The following MARS2 variants were observed in gnomAD, a reference collection of about 807,000 sequenced individuals.
MARS2 encodes the protein methionyl-tRNA synthetase 2, mitochondrial, also known as methionine--tRNA ligase, mitochondrial.
A neutral mutation model predicts 43.8 loss-of-function variants in MARS2; 33 were observed. That is an observed-to-expected ratio of 0.75 (90% CI 0.57 to 1.01). MARS2 has a LOEUF of 1.01. Among genes scored for constraint, MARS2 ranks in the 50% least tolerant of loss-of-function variants. The probability of loss-of-function intolerance (pLI) is 0.00; values close to 1 mark genes in which losing one functional copy is unlikely to be tolerated. For missense variants in MARS2, 720 were observed against 763.0 expected (o/e 0.94, Z 0.66); for synonymous variants, 351 against 325.5 (o/e 1.08, Z -0.84).
At position 197,705,439 on chromosome 2, in the gene MARS2, C is replaced by A. The variant is rs1351963595; in HGVS notation, c.34C>A (p.Arg12Ser). 6.2e-7 allele frequency: 1 copy of A among 1,612,090 alleles called. No individual in the cohort carries two copies. Among genetic ancestry groups the A allele is most frequent in the Non-Finnish European group, 8.5e-7 (1 of 1,179,702 alleles). ...AACGTCCGTCCTCCGCCTGCTAGGA[C>A]GCACGGGGGCTAGTAGGCTGTCTCT... is the stretch of plus-strand genomic sequence containing the variant. Reference protein sequence around the residue: ...LRTSVLRLLGRTGASRLSLLE... With the variant: ...LRTSVLRLLGSTGASRLSLLE... Residue 12 changes from arginine to serine, a missense_variant, in exon 1 of 1, where the codon CGC (arginine) becomes AGC (serine). Coordinates refer to ENST00000282276, the MANE Select transcript of MARS2 (RefSeq NM_138395.4).
rs113763008 is a variant in MARS2 at position 197,705,924 on chromosome 2, C to A, written c.519C>A (p.Asp173Glu). 6.2e-6 allele frequency: 10 copies of A among 1,614,204 alleles called. No homozygotes were observed. The highest frequency in any genetic ancestry group is 7.6e-6 in the Non-Finnish European group (9 of 1,180,048). The change falls in exon 1 of 1, where the codon GAC (aspartate) becomes GAA (glutamate). Residue 173 changes from aspartate (D) to glutamate (E), a missense_variant. By Grantham distance (45) the Asp-to-Glu change is conservative. Coordinates refer to ENST00000282276, the MANE Select transcript of MARS2 (RefSeq NM_138395.4). ...GVYEGWYCAS[D>E]ECFLPEAKVT... ...ATGAAGGTTGGTATTGCGCTTCCGACGAGTGCTTCCTGCCTGAGGCCAAGG... is the reference window on the plus strand; with the variant it reads ...ATGAAGGTTGGTATTGCGCTTCCGAAGAGTGCTTCCTGCCTGAGGCCAAGG...
Position 197,706,373 on chromosome 2 carries a change from T to A in MARS2, c.968T>A (p.Phe323Tyr). Reference sequence around the variant, plus strand: ...TTCCATGCCATCTATTGGCCTGCCTTCCTGTTAGGGGCCGGCATGAGCCCG... The same window carrying A: ...TTCCATGCCATCTATTGGCCTGCCTACCTGTTAGGGGCCGGCATGAGCCCG... Reference protein sequence around the residue: ...LKFHAIYWPAFLLGAGMSPPQ... With the variant: ...LKFHAIYWPAYLLGAGMSPPQ... Residue 323 changes from phenylalanine to tyrosine, a missense_variant, in exon 1 of 1, where the codon TTC becomes TAC. Coordinates refer to ENST00000282276, the MANE Select transcript of MARS2 (RefSeq NM_138395.4). The A allele has an allele frequency of 6.2e-6, 10 of 1,614,218 alleles. No homozygotes were observed. Among genetic ancestry groups the A allele is most frequent in the Non-Finnish European group, 8.5e-6 (10 of 1,180,038 alleles).
chr2:197,705,671 C>G lies in MARS2; in HGVS notation c.266C>G (p.Ser89Cys). ...CCCAGCACGGCCGCCACGCGATTCTCCACTGGTACCGACGAGCACGGGCTG... is the reference window on the plus strand; with the variant it reads ...CCCAGCACGGCCGCCACGCGATTCTGCACTGGTACCGACGAGCACGGGCTG... ...RGPSTAATRF[S>C]TGTDEHGLKI... Residue 89 changes from serine to cysteine, a missense_variant, in exon 1 of 1, where the codon TCC becomes TGC. Coordinates refer to ENST00000282276, the MANE Select transcript of MARS2 (RefSeq NM_138395.4). The G allele has an allele frequency of 6.2e-7, 1 of 1,611,102 alleles. No homozygotes were observed.
At position 197,707,035 on chromosome 2, in the gene MARS2, T is replaced by C. The variant is rs1404371525; in HGVS notation, c.1630T>C (p.Ser544Pro). Residue 544 changes from serine to proline, a missense_variant, in exon 1 of 1, where the codon TCA becomes CCA. Physicochemically the swap from Ser to Pro is moderately conservative, Grantham distance 74. Coordinates refer to ENST00000282276, the MANE Select transcript of MARS2 (RefSeq NM_138395.4). The part of the protein sequence containing the change: ...KLLSRLGVSA[S>P]ERSLGELYFL... ...GCTGTCTAGGCTGGGGGTCTCTGCC[T>C]CAGAGAGGAGTCTTGGAGAGCTCTA... 6.2e-7 allele frequency: 1 copy of C among 1,614,174 alleles called. No homozygotes were observed. The highest frequency in any genetic ancestry group is 1.3e-5 in the African/African-American group (1 of 75,030).
Position 197,706,190 on chromosome 2 carries a change from T to G in MARS2, c.785T>G (p.Leu262Trp), listed in dbSNP as rs1376531119. 1 of 1,614,256 alleles carries G rather than the reference T, an allele frequency of 6.2e-7. No individual in the cohort carries two copies. Among genetic ancestry groups the G allele is most frequent in the East Asian group, 2.2e-5 (1 of 44,890 alleles). ...TCCGTGTCTCGCAGAAGTAGCCACTTGCACTGGGGCATTCCGGTGCCCGGG... is the reference window on the plus strand; with the variant it reads ...TCCGTGTCTCGCAGAAGTAGCCACTGGCACTGGGGCATTCCGGTGCCCGGG... ...DLSVSRRSSH[L>W]HWGIPVPGDD... is the part of the protein sequence containing the mutation. The change falls in exon 1 of 1, where the codon TTG (leucine) becomes TGG (tryptophan). Residue 262 changes from leucine to tryptophan, a missense_variant. Coordinates refer to ENST00000282276, the MANE Select transcript of MARS2 (RefSeq NM_138395.4).
chr2:197,707,026 G>T lies in MARS2; in HGVS notation c.1621G>T (p.Val541Phe). Residue 541 changes from valine to phenylalanine, a missense_variant, in exon 1 of 1, where the codon GTC (valine) becomes TTC (phenylalanine). By Grantham distance (50) the Val-to-Phe change is conservative. Coordinates refer to ENST00000282276, the MANE Select transcript of MARS2 (RefSeq NM_138395.4). ...TGACAAGCTGCTGTCTAGGCTGGGG[G>T]TCTCTGCCTCAGAGAGGAGTCTTGG... Reference protein sequence around the residue: ...LADKLLSRLGVSASERSLGEL... With the variant: ...LADKLLSRLGFSASERSLGEL... 1 of 1,614,148 alleles carries T rather than the reference G, an allele frequency of 6.2e-7. No individual in the cohort carries two copies. The highest frequency in any genetic ancestry group is 8.5e-7 in the Non-Finnish European group (1 of 1,180,026).
At position 197,706,688 on chromosome 2, in the gene MARS2, G is replaced by T. The variant is rs1346382336; in HGVS notation, c.1283G>T (p.Cys428Phe). 4 of 1,614,046 alleles carry T rather than the reference G, an allele frequency of 2.5e-6. No individual in the cohort carries two copies. Among genetic ancestry groups the T allele is most frequent in the Non-Finnish European group, 1.7e-6 (2 of 1,180,042 alleles). The change falls in exon 1 of 1, where the codon TGC becomes TTC. Residue 428 changes from cysteine (C) to phenylalanine (F), a missense_variant. By Grantham distance (205) the Cys-to-Phe change is radical. Transcript: ENST00000282276. ...ACCTACCCAGCCTTCTGCACTACCTGCTTCCCTAGTGAGCCAGGGTTGGTG... is the reference window on the plus strand; with the variant it reads ...ACCTACCCAGCCTTCTGCACTACCTTCTTCCCTAGTGAGCCAGGGTTGGTG... The part of the protein sequence containing the change: ...SETYPAFCTT[C>F]FPSEPGLVGP...
chr2:197,706,371 C>T lies in MARS2; in HGVS notation c.966C>T (p.Ala322=), dbSNP rs772540063. The part of the protein sequence containing the change: ...ILKFHAIYWP[A]FLLGAGMSPP... ...AATTCCATGCCATCTATTGGCCTGC[C>T]TTCCTGTTAGGGGCCGGCATGAGCC... Residue 322 remains alanine, a synonymous_variant, in exon 1 of 1, where the codon GCC becomes GCT. Coordinates refer to ENST00000282276, the MANE Select transcript of MARS2 (RefSeq NM_138395.4). 1.9e-6 allele frequency: 3 copies of T among 1,614,246 alleles called. No individual in the cohort carries two copies. The highest frequency in any genetic ancestry group is 3.3e-5 in the Admixed American group (2 of 60,034).
At position 197,705,609 on chromosome 2, in the gene MARS2, G is replaced by A. The variant is rs774268219; in HGVS notation, c.204G>A (p.Leu68=). Residue 68 remains leucine, a synonymous_variant, in exon 1 of 1, where the codon CTG becomes CTA. Transcript: ENST00000282276. Reference sequence around the variant, plus strand: ...TCGGGCACCTGTACTCGGCACTACTGGCGGACGCCCTATGCCGCCACCGTC... The same window carrying A: ...TCGGGCACCTGTACTCGGCACTACTAGCGGACGCCCTATGCCGCCACCGTC... The part of the protein sequence containing the change: ...PHIGHLYSAL[L]ADALCRHRRL... 2.5e-6 allele frequency: 4 copies of A among 1,612,424 alleles called. No homozygotes were observed. Among genetic ancestry groups the A allele is most frequent in the Non-Finnish European group, 3.4e-6 (4 of 1,179,864 alleles).
In MARS2 at chr2:197,706,251, C is replaced by T; in HGVS notation, c.846C>T (p.Ala282=). 6.2e-7 allele frequency: 1 copy of T among 1,614,228 alleles called. No individual in the cohort carries two copies. Among genetic ancestry groups the T allele is most frequent in the Non-Finnish European group, 8.5e-7 (1 of 1,180,042 alleles). Residue 282 remains alanine (A), a synonymous_variant, in exon 1 of 1, where the codon GCC becomes GCT. Coordinates refer to ENST00000282276, the MANE Select transcript of MARS2 (RefSeq NM_138395.4). ...AGACCATCTATGTATGGCTGGATGC[C>T]CTGGTCAACTACCTCACTGTAATTG... ...DSQTIYVWLD[A]LVNYLTVIGY...
rs759965717 is a variant in MARS2 at position 197,705,373 on chromosome 2, C to G, written c.-33C>G. 25 of 1,545,168 alleles carry G rather than the reference C, an allele frequency of 1.6e-5. No homozygotes were observed. In the African/African-American group the frequency reaches 3.2e-4, roughly 19 times the overall value. On this transcript the variant is annotated 5_prime_UTR_variant, in exon 1 of 1. Transcript: ENST00000282276. ...GCGCCTCTCACACGTGCTGTCAGAA[C>G]GCCGCCTCCTCCGCTTGCGGCCGGT...
In MARS2 at chr2:197,705,391, C is replaced by A; in HGVS notation, c.-15C>A. On this transcript the variant is annotated 5_prime_UTR_variant, in exon 1 of 1. Transcript: ENST00000282276. The stretch of plus-strand genomic sequence containing the variant: ...GTCAGAACGCCGCCTCCTCCGCTTG[C>A]GGCCGGTCTGCACCATGCTGCGAAC... The A allele has an allele frequency of 1.3e-6, 2 of 1,566,570 alleles. No individual in the cohort carries two copies. The highest frequency in any genetic ancestry group is 1.7e-6 in the Non-Finnish European group (2 of 1,154,024).
rs748332401 is a variant in MARS2 at position 197,706,123 on chromosome 2, C to T, written c.718C>T (p.His240Tyr). ...GGCGATCACCCCCGAACCATTTCAT[C>T]ACGTAGTTCTTCAGTGGCTGGACGA... ...PQAITPEPFH[H>Y]VVLQWLDEEL... The change falls in exon 1 of 1, where the codon CAC (histidine) becomes TAC (tyrosine). Residue 240 changes from histidine to tyrosine, a missense_variant. Coordinates refer to ENST00000282276, the MANE Select transcript of MARS2 (RefSeq NM_138395.4). 11 of 1,614,064 alleles carry T rather than the reference C, an allele frequency of 6.8e-6. No individual in the cohort carries two copies. The East Asian group carries it at 2.0e-4, about 29-fold the overall frequency.
Position 197,705,417 on chromosome 2 carries a change from G to C in MARS2, c.12G>C (p.Thr4=), listed in dbSNP as rs114975857. The C allele has an allele frequency of 6.2e-7, 1 of 1,609,944 alleles. No homozygotes were observed. The highest frequency in any genetic ancestry group is 8.5e-7 in the Non-Finnish European group (1 of 1,178,710). MLR[T]SVLRLLGRTG... ...GGCCGGTCTGCACCATGCTGCGAAC[G>C]TCCGTCCTCCGCCTGCTAGGACGCA... Residue 4 remains threonine, a synonymous_variant, in exon 1 of 1, where the codon ACG becomes ACC. Coordinates refer to ENST00000282276, the MANE Select transcript of MARS2 (RefSeq NM_138395.4).
At position 197,706,233 on chromosome 2, in the gene MARS2, CTAT is replaced by C; in HGVS notation, c.829_831del (p.Tyr277del). The C allele has an allele frequency of 6.2e-7, 1 of 1,614,250 alleles. No homozygotes were observed. Among genetic ancestry groups the C allele is most frequent in the Non-Finnish European group, 8.5e-7 (1 of 1,180,050 alleles). On this transcript the variant is annotated inframe_deletion, in exon 1 of 1. Coordinates refer to ENST00000282276, the MANE Select transcript of MARS2 (RefSeq NM_138395.4). The stretch of plus-strand genomic sequence containing the variant: ...TGCCCGGGGATGATTCGCAGACCAT[CTAT>C]GTATGGCTGGATGCCCTGGTCAACT...
chr2:197,707,109 G>C lies in MARS2; in HGVS notation c.1704G>C (p.Arg568Ser), dbSNP rs369209122. 19 of 1,614,194 alleles carry C rather than the reference G, an allele frequency of 1.2e-5. No homozygotes were observed. Among genetic ancestry groups the C allele is most frequent in the Non-Finnish European group, 1.5e-5 (18 of 1,180,044 alleles). ...ATCCATGCCCTTTTGAAGGGAGGAG[G>C]CTGGGACCTGAAACTGGGCTTTTGT... is the stretch of plus-strand genomic sequence containing the variant. ...YGHPCPFEGRRLGPETGLLFP... is the reference protein window; with the variant it reads ...YGHPCPFEGRSLGPETGLLFP... Residue 568 changes from arginine (R) to serine (S), a missense_variant, in exon 1 of 1, where the codon AGG (arginine) becomes AGC (serine). Transcript: ENST00000282276.
At position 197,706,155 on chromosome 2, in the gene MARS2, G is replaced by A; in HGVS notation, c.750G>A (p.Leu250=). The change falls in exon 1 of 1, where the codon CTG becomes CTA. Residue 250 remains leucine (L), a synonymous_variant. Coordinates refer to ENST00000282276, the MANE Select transcript of MARS2 (RefSeq NM_138395.4). ...HVVLQWLDEE[L]PDLSVSRRSS... Reference sequence around the variant, plus strand: ...TTCTTCAGTGGCTGGACGAGGAGCTGCCCGACCTGTCCGTGTCTCGCAGAA... The same window carrying A: ...TTCTTCAGTGGCTGGACGAGGAGCTACCCGACCTGTCCGTGTCTCGCAGAA... The A allele has an allele frequency of 6.2e-7, 1 of 1,614,156 alleles. No individual in the cohort carries two copies. Among genetic ancestry groups the A allele is most frequent in the South Asian group, 1.1e-5 (1 of 91,090 alleles).
rs137860531 is a variant in MARS2, at chr2:197,705,492, C to T, written c.87C>T (p.Tyr29=). 189 of 1,613,056 alleles carry T rather than the reference C, an allele frequency of 1.2e-4. 2 individuals are homozygous for T. The South Asian group carries it at 1.6e-3, about 14-fold the overall frequency. The change falls in exon 1 of 1, where the codon TAC becomes TAT. Residue 29 remains tyrosine (Y), a synonymous_variant. Transcript: ENST00000282276. ...SLLEDFGPRY[Y]SSGSLSAGDD... is the part of the protein sequence containing the mutation. ...TGGAGGACTTCGGCCCACGCTACTA[C>T]AGTTCGGGCTCCCTCAGTGCCGGCG...
chr2:197,705,372 A>ACGC lies in MARS2; in HGVS notation c.-29_-27dup. On this transcript the variant is annotated 5_prime_UTR_variant, in exon 1 of 1. Transcript: ENST00000282276. ...TGCGCCTCTCACACGTGCTGTCAGAACGCCGCCTCCTCCGCTTGCGGCCGG... is the reference window on the plus strand; with the variant it reads ...TGCGCCTCTCACACGTGCTGTCAGAACGCCGCCGCCTCCTCCGCTTGCGGCCGG... 1 of 1,545,448 alleles carries ACGC rather than the reference A, an allele frequency of 6.5e-7. No homozygotes were observed. Among genetic ancestry groups the ACGC allele is most frequent in the South Asian group, 1.2e-5 (1 of 82,722 alleles).
Sources: gnomAD v4.1 joint callset for allele counts on GRCh38, gnomAD v4.1.1 for gene constraint, MANE v1.5 for transcripts, NCBI Gene and HGNC (gene_info 2026-07-23, HGNC 2026-07-21) for gene names.